The following CAMTA1 variants were observed in gnomAD, a reference collection of about 807,000 sequenced individuals.
The protein encoded by CAMTA1 is calmodulin binding transcription activator 1.
A neutral mutation model predicts 170.9 loss-of-function variants in CAMTA1; 27 were observed. That is an observed-to-expected ratio of 0.16 (90% CI 0.12 to 0.22). CAMTA1 has a LOEUF of 0.22. CAMTA1 is among the 10% of genes least tolerant of loss of function. The pLI is 1.00. For missense variants in CAMTA1, 1,619 were observed against 2,217.2 expected, an observed-to-expected ratio of 0.73 and a Z score of 5.42; for synonymous variants, 833 against 891.5, an observed-to-expected ratio of 0.93 and a Z score of 1.17.
chr1:7,739,224 C>A (rs75870676), intron 16 of CAMTA1, among the ~76,000 whole-genome samples: 4 of 152,130 alleles, frequency 2.6e-5, no homozygotes, highest in South Asian at 2.1e-4. Flanking sequence ...GGAAAAAAAA[C>A]GACTCAGAAT....
chr1:6,966,810 C>T (rs1691634968), intron 3 of CAMTA1, among the ~76,000 whole-genome samples: 1 of 151,706 alleles, frequency 6.6e-6, no homozygotes, highest in Non-Finnish European at 1.5e-5. Context: ...CTGGATTTCA[C>T]CGTGTTGCCC....
intron 4 of CAMTA1, among the ~76,000 whole-genome samples, chr1:7,230,117 C>CG (rs1662457200): frequency 2.0e-5 from 3 of 152,128 alleles, no homozygotes; most frequent in African/African-American, 7.2e-5. Context: ...GGTGTCCCCC[C>CG]CCACCACATC....
At chr1:7,528,542 G>A (rs78841175) in intron 6 of CAMTA1, among the ~76,000 whole-genome samples, 5 of 152,064 alleles carry the variant, frequency 3.3e-5, no homozygotes, top group African/African-American at 1.2e-4. Context: ...AGTCAGGCTG[G>A]TATCTGACTT....
chr1:6,925,796 C>G (rs192415245), intron 3 of CAMTA1, among the ~76,000 whole-genome samples: 22 of 152,346 alleles, frequency 1.4e-4, no homozygotes, highest in African/African-American at 3.4e-4. Context: ...CATCTCCATT[C>G]TGACAGTGTG....
rs201225081 is a variant in CAMTA1, at chr1:7,494,151, C to CAAAA, written c.510+26262_510+26265dup. On this transcript the variant is annotated intron_variant, in intron 6 of 22. Transcript: ENST00000303635. ...GCGATTCTTCTCCAGATCTGCTGTTCAAAAAAAAAAAAAAATGTAACTCAG... is the reference window on the plus strand; with the variant it reads ...GCGATTCTTCTCCAGATCTGCTGTTCAAAAAAAAAAAAAAAAAAATGTAACTCAG... Among the ~76,000 whole-genome samples the CAAAA allele has an allele frequency of 3.5e-3, 392 of 113,294 alleles. 4 individuals are homozygous for CAAAA. Among genetic ancestry groups the CAAAA allele is most frequent in the South Asian group, 0.01 (37 of 3,634 alleles). The allele number at this position is 113,294 out of a possible 152,430, so 74.3% of individuals were successfully genotyped here. A position where few individuals can be genotyped will look rare whatever the true frequency, so the allele number is the denominator to read the frequency against.
chr1:7,123,263 C>G (rs1644749377), intron 4 of CAMTA1, among the ~76,000 whole-genome samples: 1 of 152,160 alleles, frequency 6.6e-6, no homozygotes, highest in Non-Finnish European at 1.5e-5. Flanking sequence ...TGTTCCTTGG[C>G]CTGTCGGTGG....
At chr1:7,668,425 A>ACACACACACACACC (rs1558092783) in intron 9 of CAMTA1, among the ~76,000 whole-genome samples, 5 of 137,300 alleles carry the variant, frequency 3.6e-5, no homozygotes, top group Non-Finnish European at 3.1e-5. Context: ...ACACACACAC[A>ACACACACACACACC]CACACACCCA....
chr1:7,148,121 A>G (rs1361599226), intron 4 of CAMTA1, among the ~76,000 whole-genome samples: 1 of 151,362 alleles, frequency 6.6e-6, no homozygotes, highest in Non-Finnish European at 1.5e-5. Context: ...ACGCACACAC[A>G]CTAAAAATAC....
chr1:6,807,092 C>G, intron 1 of CAMTA1: 1 of 622,588 alleles, frequency 1.6e-6, no homozygotes, highest in Non-Finnish European at 2.9e-6. Flanking sequence ...TGTGAAGGTG[C>G]GTGCAATATG....
At chr1:6,823,227 C>G (rs1408834788) in intron 2 of CAMTA1, among the ~76,000 whole-genome samples, 1 of 152,038 alleles carries the variant, frequency 6.6e-6, no homozygotes, top group Non-Finnish European at 1.5e-5. Flanking sequence ...ATCTGGTATT[C>G]TCTGCTTTAA....
At chr1:7,675,551 G>A (rs551118373) in intron 10 of CAMTA1, among the ~76,000 whole-genome samples, 2 of 152,284 alleles carry the variant, frequency 1.3e-5, no homozygotes, top group Admixed American at 1.3e-4. Flanking sequence ...GCTCCCTTGG[G>A]CACCACACTC....
intron 5 of CAMTA1, among the ~76,000 whole-genome samples, chr1:7,310,647 T>TCTTTTC (rs61161982): frequency 1.0e-4 from 5 of 49,180 alleles, no homozygotes; most frequent in African/African-American, 4.0e-4. Flanking sequence ...TTTCTTTCTT[T>TCTTTTC]TTTCTTTCTT....
At chr1:7,201,983 A>G (rs72641238) in intron 4 of CAMTA1, among the ~76,000 whole-genome samples, 119 of 152,154 alleles carry the variant, frequency 7.8e-4, no homozygotes, top group Non-Finnish European at 1.3e-3. Context: ...GAATGTTTAT[A>G]CCTATGTTTT....
chr1:7,245,467 T>TAC (rs1335921770), intron 4 of CAMTA1, among the ~76,000 whole-genome samples: 1 of 151,942 alleles, frequency 6.6e-6, no homozygotes, highest in East Asian at 1.9e-4. Flanking sequence ...ATTATATATA[T>TAC]ACGATATCTT....
chr1:7,243,331 G>T (rs989952927), intron 4 of CAMTA1, among the ~76,000 whole-genome samples: 17 of 152,066 alleles, frequency 1.1e-4, no homozygotes, highest in Admixed American at 2.6e-4. Flanking sequence ...GATTAACTTG[G>T]GTTTTCTTCT....
intron 6 of CAMTA1, among the ~76,000 whole-genome samples, chr1:7,475,788 C>T (rs2093411463): frequency 6.6e-6 from 1 of 152,206 alleles, no homozygotes; most frequent in African/African-American, 2.4e-5. Flanking sequence ...GAAGAAGAAA[C>T]TGAGGGTCAG....
chr1:7,300,776 G>A lies in CAMTA1; in HGVS notation c.438+51150G>A, dbSNP rs1674638729. ...AGAGGAAGTGTCGTGTTGTCCGTTG[G>A]TGACATTTGCAAACTCTCCTGGTTT... On this transcript the variant is annotated intron_variant, in intron 5 of 22. Transcript: ENST00000303635. This position sits in a 1 kb window ranked among gnomAD's most constrained non-coding sequence, Gnocchi z 4.1. Among the ~76,000 whole-genome samples the A allele has an allele frequency of 6.6e-6, 1 of 152,264 alleles. No homozygotes were observed.
In CAMTA1 at chr1:7,085,825, A is replaced by C. The variant is rs150788938; in HGVS notation, c.235-5479A>C. ...TTGCAGTCCTCTATCAAAACCCATC[A>C]GCTTGGGGACTGGATGGTGGGTGAC... On this transcript the variant is annotated intron_variant, in intron 3 of 22. Transcript: ENST00000303635. 3.6e-3 allele frequency among the ~76,000 whole-genome samples: 547 copies of C among 152,270 alleles called. 7 individuals are homozygous for C. The highest frequency in any genetic ancestry group is 0.013 in the African/African-American group (521 of 41,556).
At position 6,897,261 on chromosome 1, in the gene CAMTA1, G is replaced by A. The variant is rs182230261; in HGVS notation, c.234+72051G>A. On this transcript the variant is annotated intron_variant, in intron 3 of 22. Coordinates refer to ENST00000303635, the MANE Select transcript of CAMTA1 (RefSeq NM_015215.4). The stretch of plus-strand genomic sequence containing the variant: ...GAAATGAAGGTGGGAAGATGGGGGT[G>A]GAAAATGGGTTTTGACCAACATATG... 8.7e-4 allele frequency among the ~76,000 whole-genome samples: 132 copies of A among 152,254 alleles called. 3 individuals are homozygous for A. The East Asian group carries it at 0.023, about 27-fold the overall frequency.
Sources: gnomAD v4.1 joint callset for allele counts (sites outside exome capture counted in the v4.1 genomes callset) on GRCh38, gnomAD v4.1.1 for gene constraint, Gnocchi (gnomAD v3.1) non-coding constraint, MANE v1.5 for transcripts, NCBI Gene and HGNC (gene_info 2026-07-23, HGNC 2026-07-21) for gene names.